Variants in SYNE3 observed in about 807,000 individuals in gnomAD.
SYNE3 encodes spectrin repeat containing nuclear envelope family member 3.
A neutral mutation model predicts 111.2 loss-of-function variants in SYNE3; 100 were observed. That is an observed-to-expected ratio of 0.90 (90% CI 0.77 to 1.06). The LOEUF is 1.06. Among genes scored for constraint, SYNE3 ranks in the 50% least tolerant of loss-of-function variants. The pLI is 0.00. For missense variants in SYNE3, 1,160 were observed against 1,240.3 expected (o/e 0.94, Z 0.97); for synonymous variants, 547 against 533.9 (o/e 1.02, Z -0.34).
rs2749474 is a variant in SYNE3 at position 95,417,127 on chromosome 14, T to C, written c.*699A>G. 48,368 of 155,222 alleles carry C rather than the reference T, an allele frequency of 0.31. 7,816 individuals are homozygous for C. Among genetic ancestry groups the C allele is most frequent in the Middle Eastern group, 0.37 (110 of 294 alleles). 9.6% of individuals were successfully genotyped at this position (155,222 alleles called of 1,614,324 possible). On this transcript the variant is annotated 3_prime_UTR_variant, in exon 18 of 18. Coordinates refer to ENST00000682763, the MANE Select transcript of SYNE3 (RefSeq NM_152592.6). ...CCGGCATGCAATGCCTCCACACAGC[T>C]GTGCTTTCTTAGTTCGGGGATCTGC...
At chr14:95,499,736 T>C (rs1320147400) in intron 1 of SYNE3, among the ~76,000 whole-genome samples, 1 of 152,098 alleles carries the variant, frequency 6.6e-6, no homozygotes, top group Non-Finnish European at 1.5e-5. Flanking sequence ...TGCCCCTTTC[T>C]TCTCCCCAGC....
intron 11 of SYNE3, among the ~76,000 whole-genome samples, chr14:95,442,088 C>G (rs1341116399): frequency 1.3e-5 from 2 of 152,256 alleles, no homozygotes; most frequent in African/African-American, 2.4e-5. Context: ...AACAAACATA[C>G]TGACTTCTCT....
intron 2 of SYNE3, among the ~76,000 whole-genome samples, chr14:95,468,638 A>G (rs927466538): frequency 3.9e-5 from 6 of 152,042 alleles, no homozygotes; most frequent in African/African-American, 1.4e-4. Context: ...GCCCCTCCTG[A>G]CCCTGCTCCT....
chr14:95,425,234 A>G (rs1323109137), intron 17 of SYNE3, among the ~76,000 whole-genome samples: 3 of 136,538 alleles, frequency 2.2e-5, no homozygotes, highest in Admixed American at 1.5e-4. Flanking sequence ...CAACAGAGTG[A>G]GACTCCATCA....
At chr14:95,460,118 C>T (rs555036394) in intron 4 of SYNE3, among the ~76,000 whole-genome samples, 22 of 152,250 alleles carry the variant, frequency 1.4e-4, no homozygotes, top group African/African-American at 4.6e-4. Context: ...GCAACAACAA[C>T]AACAAAAATT....
intron 6 of SYNE3, among the ~76,000 whole-genome samples, chr14:95,454,927 C>T (rs994317194): frequency 4.6e-5 from 7 of 152,306 alleles, no homozygotes; most frequent in East Asian, 3.9e-4. Context: ...CCCCCACCAC[C>T]GTGGGCCTCT....
intron 2 of SYNE3, among the ~76,000 whole-genome samples, chr14:95,473,017 C>G (rs1275439122): frequency 1.3e-5 from 2 of 152,200 alleles, no homozygotes; most frequent in African/African-American, 4.8e-5. Flanking sequence ...GACCCCAGCA[C>G]CCGGGGGCAG....
At chr14:95,427,459 A>G (rs1885501509) in intron 17 of SYNE3, among the ~76,000 whole-genome samples, 1 of 152,144 alleles carries the variant, frequency 6.6e-6, no homozygotes, top group Admixed American at 6.5e-5. Flanking sequence ...CTCCTAGTCC[A>G]CTTTGATGTT....
At chr14:95,475,908 C>A (rs1295929995) in intron 1 of SYNE3, 73 bp from the exon 2 acceptor site, 4 of 1,343,858 alleles carry the variant, frequency 3.0e-6, no homozygotes, top group East Asian at 5.7e-5. Flanking sequence ...CGGCAGGACA[C>A]CTGGGACAGG....
chr14:95,513,031 T>C (rs1890777566), intron 1 of SYNE3, among the ~76,000 whole-genome samples: 1 of 152,174 alleles, frequency 6.6e-6, no homozygotes, highest in South Asian at 2.1e-4. Flanking sequence ...TATCATTCCC[T>C]TGCCTTTTTC....
chr14:95,475,763 A>G lies in SYNE3; in HGVS notation c.59T>C (p.Met20Thr). Reference protein sequence around the residue: ...DRSVEDAQAWMKAVQDQLQVN... With the variant: ...DRSVEDAQAWTKAVQDQLQVN... ...CTGCAGCTGGTCCTGCACAGCCTTC[A>G]TCCATGCCTGGGCATCCTCCACGCT... is the stretch of plus-strand genomic sequence containing the variant. The change falls in exon 2 of 18, where the codon ATG becomes ACG. Residue 20 changes from methionine (M) to threonine (T), a missense_variant. Transcript: ENST00000682763. 6.2e-7 allele frequency: 1 copy of G among 1,606,606 alleles called. No individual in the cohort carries two copies. Among genetic ancestry groups the G allele is most frequent in the Non-Finnish European group, 8.5e-7 (1 of 1,177,004 alleles).
rs757383499 is a variant in SYNE3 at position 95,466,030 on chromosome 14, C to T, written c.528G>A (p.Glu176=). 6.2e-7 allele frequency: 1 copy of T among 1,612,700 alleles called. No homozygotes were observed. The highest frequency in any genetic ancestry group is 8.5e-7 in the Non-Finnish European group (1 of 1,178,798). The change falls in exon 4 of 18, where the codon GAG becomes GAA. Residue 176 remains glutamate (E), a synonymous_variant. Coordinates refer to ENST00000682763, the MANE Select transcript of SYNE3 (RefSeq NM_152592.6). ...CGATCCTGTTGAACAGGGAGGCTGC[C>T]TCCTCCAGCAGCCGGTCCAGGAGCA... ...QAVLLDRLLE[E]AASLFNRIGD...
chr14:95,443,085 G>A, intron 11 of SYNE3, 70 bp downstream of exon 11: 2 of 1,573,838 alleles, frequency 1.3e-6, no homozygotes, highest in Non-Finnish European at 1.7e-6. Context: ...GGGGAAGAAA[G>A]GCCCCAGGCG....
rs1407837962 is a variant in SYNE3 at position 95,410,674 on chromosome 14, C to T, written c.*7152G>A. 6.6e-6 allele frequency: 1 copy of T among 152,226 alleles called. No individual in the cohort carries two copies. The highest frequency in any genetic ancestry group is 2.4e-5 in the African/African-American group (1 of 41,454). The allele number at this position is 152,226 out of a possible 1,614,324, so 9.4% of individuals were successfully genotyped here. A position where few individuals can be genotyped will look rare whatever the true frequency, so the allele number is the denominator to read the frequency against. The stretch of plus-strand genomic sequence containing the variant: ...CCTGAGGAGACGATGCCAGCAACCG[C>T]CTATATCTAGACTTCTCAGGAGGAG... On this transcript the variant is annotated 3_prime_UTR_variant, in exon 18 of 18. Transcript: ENST00000682763.
rs769690758 is a variant in SYNE3, at chr14:95,446,070, G to A, written c.1471C>T (p.Arg491Cys). The part of the protein sequence containing the change: ...QIEAALMESS[R>C]LKELLTMLQL... ...AGCATCGTCAGCAGCTCTTTCAGGC[G>A]GGAGCTTTCCATCAGGGCTGCCTGT... is the stretch of plus-strand genomic sequence containing the variant. The change falls in exon 9 of 18, where the codon CGC (arginine) becomes TGC (cysteine). Residue 491 changes from arginine (R) to cysteine (C), a missense_variant. By Grantham distance (180) the Arg-to-Cys change is radical (BLOSUM62 -3). Coordinates refer to ENST00000682763, the MANE Select transcript of SYNE3 (RefSeq NM_152592.6). 23 of 1,614,084 alleles carry A rather than the reference G, an allele frequency of 1.4e-5. No individual in the cohort carries two copies. Among genetic ancestry groups the A allele is most frequent in the South Asian group, 5.5e-5 (5 of 91,080 alleles).
At chr14:95,478,305 AAAG>A (rs1566679949) in intron 1 of SYNE3, among the ~76,000 whole-genome samples, 2 of 152,172 alleles carry the variant, frequency 1.3e-5, no homozygotes, top group South Asian at 2.1e-4. Flanking sequence ...ATCTTACTCT[AAAG>A]AAGCTCTCAG....
intron 2 of SYNE3, among the ~76,000 whole-genome samples, chr14:95,468,331 T>G (rs1056766142): frequency 2.6e-5 from 4 of 152,186 alleles, no homozygotes; most frequent in Admixed American, 2.6e-4. Context: ...TTTTTCAGGA[T>G]TAAACGATGA....
chr14:95,440,204 C>A, intron 11 of SYNE3, 129 bp from the exon 12 acceptor site: 1 of 1,060,516 alleles, frequency 9.4e-7, no homozygotes, highest in Non-Finnish European at 1.3e-6. Flanking sequence ...AGTAGCACCA[C>A]AAGAGGCTGG....
chr14:95,417,722 T>G lies in SYNE3; in HGVS notation c.*104A>C. On this transcript the variant is annotated 3_prime_UTR_variant, in exon 18 of 18. Transcript: ENST00000682763. ...CACTGATATGGATGCAGCTCTGCAG[T>G]CTTTGCCCTGCCCCTGTTTCCAGTT... 1 of 1,230,842 alleles carries G rather than the reference T, an allele frequency of 8.1e-7. No individual in the cohort carries two copies. Among genetic ancestry groups the G allele is most frequent in the Non-Finnish European group, 1.2e-6 (1 of 834,898 alleles). 76.2% of individuals were successfully genotyped at this position (1,230,842 alleles called of 1,614,324 possible).
Sources: allele counts gnomAD v4.1 joint callset (sites outside exome capture counted in the v4.1 genomes callset), GRCh38; gene constraint gnomAD v4.1.1; transcripts MANE v1.5; gene names NCBI Gene and HGNC (gene_info 2026-07-23, HGNC 2026-07-21).